TPO: variants seen among roughly 807,000 people sequenced by gnomAD.
TPO encodes the protein thyroid peroxidase, also known as thyroid microsomal antigen.
In TPO, 78 loss-of-function variants were observed where a neutral mutation model predicts 96.9. That is an observed-to-expected ratio of 0.81 (90% CI 0.67 to 0.97). TPO has a LOEUF of 0.97. TPO is among the 50% of genes least tolerant of loss of function. TPO has a pLI of 0.00. For missense variants in TPO, 1,252 were observed against 1,274.8 expected (o/e 0.98, Z 0.27); for synonymous variants, 547 against 538.0 (o/e 1.02, Z -0.23).
At chr2:1,495,039 G>A (rs574673456) in intron 11 of TPO, among the ~76,000 whole-genome samples, 1 of 152,328 alleles carries the variant, frequency 6.6e-6, no homozygotes, top group East Asian at 1.9e-4. Context: ...GAAGGGGGAA[G>A]ATTTCACCAG....
chr2:1,416,082 A>C lies in TPO; in HGVS notation c.94+1580A>C, dbSNP rs188833558. Among the ~76,000 whole-genome samples the C allele has an allele frequency of 6.5e-4, 99 of 152,292 alleles. 1 individual carries two copies. Among genetic ancestry groups the C allele is most frequent in the East Asian group, 3.5e-3 (18 of 5,170 alleles). The stretch of plus-strand genomic sequence containing the variant: ...TGTCCCTCCCCTGCAAATGGAGAAC[A>C]CTGGAAAATTACTCATCGCAGTCAT... On this transcript the variant is annotated intron_variant, in intron 2 of 16. Transcript: ENST00000329066.
chr2:1,513,161 G>T (rs2125058433), intron 14 of TPO, among the ~76,000 whole-genome samples: 1 of 152,348 alleles, frequency 6.6e-6, no homozygotes, highest in African/African-American at 2.4e-5. Flanking sequence ...CACCCAAAAG[G>T]GTGATGGACA....
At chr2:1,507,558 A>C (rs1303904530) in intron 14 of TPO, among the ~76,000 whole-genome samples, 4 of 152,048 alleles carry the variant, frequency 2.6e-5, no homozygotes, top group African/African-American at 4.8e-5. Context: ...CTTTTATTTC[A>C]TTGAGCAGTG....
intron 1 of TPO, among the ~76,000 whole-genome samples, chr2:1,401,346 G>C (rs1662168333): frequency 6.6e-6 from 1 of 152,224 alleles, no homozygotes; most frequent in Admixed American, 6.5e-5. Context: ...GGGGAAGGAA[G>C]ACAGAGACAA....
At chr2:1,498,916 G>T (rs1407897994) in intron 13 of TPO, among the ~76,000 whole-genome samples, 4 of 152,122 alleles carry the variant, frequency 2.6e-5, no homozygotes, top group Non-Finnish European at 5.9e-5. Flanking sequence ...TTCCGTGTTG[G>T]CATTACAGTT....
chr2:1,507,911 C>G (rs1673652208), intron 14 of TPO, among the ~76,000 whole-genome samples: 1 of 152,176 alleles, frequency 6.6e-6, no homozygotes, highest in South Asian at 2.1e-4. Flanking sequence ...GCCAGAACTT[C>G]CAACACTATG....
chr2:1,412,091 T>C (rs1662400965), upstream of TPO, among the ~76,000 whole-genome samples: 1 of 152,212 alleles, frequency 6.6e-6, no homozygotes, highest in African/African-American at 2.4e-5. Flanking sequence ...ACCCAACAGC[T>C]GAAAGTACAT....
At position 1,438,179 on chromosome 2, in the gene TPO, G is replaced by T. The variant is rs149738345; in HGVS notation, c.482+1795G>T. 6.8e-4 allele frequency among the ~76,000 whole-genome samples: 104 copies of T among 151,984 alleles called. 1 individual carries two copies. Among genetic ancestry groups the T allele is most frequent in the African/African-American group, 2.5e-3 (103 of 41,430 alleles). ...ACGTGCAGGTACATGTTGAGGGTGG[G>T]GATCCCGGGGGACAGTGGCGTTGGA... On this transcript the variant is annotated intron_variant, in intron 5 of 16. Coordinates refer to ENST00000329066, the MANE Select transcript of TPO (RefSeq NM_001206744.2).
At chr2:1,377,439 A>G (rs1384092615) in intron 1 of TPO, among the ~76,000 whole-genome samples, 3 of 152,194 alleles carry the variant, frequency 2.0e-5, no homozygotes, top group African/African-American at 7.2e-5. Context: ...CTGTGCTCTC[A>G]GGAAACCCTT....
At chr2:1,535,985 C>G (rs1406578884) in intron 15 of TPO, among the ~76,000 whole-genome samples, 1 of 28,386 alleles carries the variant, frequency 3.5e-5, no homozygotes, top group African/African-American at 1.3e-4. Context: ...CACAATCTCC[C>G]CAAATCCCCC....
At chr2:1,456,008 C>G in intron 6 of TPO, 68 bp from the exon 7 acceptor site, 2 of 1,510,822 alleles carry the variant, frequency 1.3e-6, no homozygotes, top group Non-Finnish European at 1.8e-6. Flanking sequence ...GTGCATGATC[C>G]CAAAGGGTCA....
At chr2:1,481,575 G>A (rs1670644768) in intron 8 of TPO, among the ~76,000 whole-genome samples, 2 of 152,174 alleles carry the variant, frequency 1.3e-5, no homozygotes, top group South Asian at 2.1e-4. Context: ...CCCCATCCCG[G>A]GCAGGCAGAT....
At chr2:1,376,597 G>GGA (rs1469880568) in intron 1 of TPO, among the ~76,000 whole-genome samples, 3 of 152,106 alleles carry the variant, frequency 2.0e-5, no homozygotes, top group African/African-American at 7.2e-5. Context: ...TGATAGTGGA[G>GGA]GAGAGAGCCT....
intron 15 of TPO, among the ~76,000 whole-genome samples, chr2:1,521,786 C>T (rs4927594): frequency 0.51 from 77,152 of 151,742 alleles, 19,732 homozygotes; most frequent in South Asian, 0.56. Context: ...GAAGGACCTG[C>T]GCTCCTTAGA....
intron 15 of TPO, among the ~76,000 whole-genome samples, chr2:1,526,042 A>T (rs1343916573): frequency 2.1e-5 from 2 of 93,316 alleles, no homozygotes; most frequent in Admixed American, 2.2e-4. Flanking sequence ...ACTGTGTGCA[A>T]CCTCCCCAAA....
At chr2:1,378,466 T>C (rs1661755934) in intron 1 of TPO, among the ~76,000 whole-genome samples, 1 of 152,228 alleles carries the variant, frequency 6.6e-6, no homozygotes, top group African/African-American at 2.4e-5. Flanking sequence ...CAAATGTGCC[T>C]GTTACCGATG....
intron 3 of TPO, 78 bp downstream of exon 3, chr2:1,423,207 T>C: frequency 1.4e-5 from 19 of 1,380,776 alleles, no homozygotes; most frequent in Non-Finnish European, 1.8e-5. Flanking sequence ...ACGTGTGGCC[T>C]GATTTTCGCA....
chr2:1,527,992 C>A (rs887028940), intron 15 of TPO, among the ~76,000 whole-genome samples: 5 of 145,350 alleles, frequency 3.4e-5, no homozygotes, highest in Non-Finnish European at 7.5e-5. Flanking sequence ...CTCCTCAAAT[C>A]CCCCCAATGT....
At chr2:1,425,733 C>T (rs1263669258) in intron 3 of TPO, among the ~76,000 whole-genome samples, 1 of 152,096 alleles carries the variant, frequency 6.6e-6, no homozygotes, top group East Asian at 1.9e-4. Context: ...GAAGTCTGTA[C>T]TCCTTCTGTA....
Sources: allele counts gnomAD v4.1 joint callset (sites outside exome capture counted in the v4.1 genomes callset), GRCh38; gene constraint gnomAD v4.1.1; transcripts MANE v1.5; gene names NCBI Gene and HGNC (gene_info 2026-07-23, HGNC 2026-07-21).